AHCYL2: variants seen among roughly 807,000 people sequenced by gnomAD.
The protein encoded by AHCYL2 is adenosylhomocysteinase like 2.
A neutral mutation model predicts 81.4 loss-of-function variants in AHCYL2; 28 were observed. The ratio of observed to expected loss-of-function variants is 0.34; its 90% CI spans 0.25 to 0.47. The LOEUF (loss-of-function observed/expected upper bound fraction) is 0.47. Ranked by LOEUF, AHCYL2 falls within the 20% of genes least tolerant of loss-of-function variation. AHCYL2 has a pLI of 1.00. For synonymous variants in AHCYL2, 272 were observed against 290.2 expected (o/e 0.94, Z 0.64); for missense variants, 551 against 785.1 (o/e 0.70, Z 3.56).
At chr7:129,358,550 CAG>C (rs1381970143) in intron 1 of AHCYL2, among the ~76,000 whole-genome samples, 1 of 152,072 alleles carries the variant, frequency 6.6e-6, no homozygotes, top group Admixed American at 6.6e-5. Flanking sequence ...TAGTCAAATT[CAG>C]AGACAGAAAG....
At chr7:129,379,238 C>G (rs1794834806) in intron 1 of AHCYL2, among the ~76,000 whole-genome samples, 1 of 151,236 alleles carries the variant, frequency 6.6e-6, no homozygotes, top group Non-Finnish European at 1.5e-5. Flanking sequence ...CGAGATCGTG[C>G]CACCGCACTG....
chr7:129,232,556 C>T (rs936577446), intron 1 of AHCYL2, among the ~76,000 whole-genome samples: 4 of 152,180 alleles, frequency 2.6e-5, no homozygotes, highest in East Asian at 3.8e-4. Flanking sequence ...AGTCACTACC[C>T]GCCATCCGCC....
At chr7:129,363,667 A>G (rs1377914932) in intron 1 of AHCYL2, among the ~76,000 whole-genome samples, 1 of 151,956 alleles carries the variant, frequency 6.6e-6, no homozygotes, top group African/African-American at 2.4e-5. Flanking sequence ...CCTCCTGAGT[A>G]GCTGAGATTA....
At chr7:129,294,768 A>C (rs1036136224) in intron 1 of AHCYL2, among the ~76,000 whole-genome samples, 5 of 152,176 alleles carry the variant, frequency 3.3e-5, no homozygotes, top group Admixed American at 6.5e-5. Flanking sequence ...TGTATAGAAA[A>C]ATCCTGGGAC....
chr7:129,314,083 G>C (rs755394416), intron 1 of AHCYL2, among the ~76,000 whole-genome samples: 13 of 152,176 alleles, frequency 8.5e-5, no homozygotes, highest in Non-Finnish European at 1.8e-4. Flanking sequence ...CTAGTTGTAA[G>C]AGTTTTCAGC....
At chr7:129,339,698 A>G (rs1215164434) in intron 1 of AHCYL2, among the ~76,000 whole-genome samples, 3 of 151,552 alleles carry the variant, frequency 2.0e-5, no homozygotes, top group African/African-American at 7.3e-5. Flanking sequence ...TGCCTTGCTA[A>G]TTATTTTTTT....
Position 129,406,043 on chromosome 7 carries a change from AGACTTTCT to A in AHCYL2, c.1206+145_1206+152del, listed in dbSNP as rs1246986314. Reference sequence around the variant, plus strand: ...ATTTCAGAGGCCTTCTGGTTGAAGTAGACTTTCTTTTTCCCTTTGCGTTGCCGCCATTT... The same window carrying A: ...ATTTCAGAGGCCTTCTGGTTGAAGTATTTTCCCTTTGCGTTGCCGCCATTT... On this transcript the variant is annotated intron_variant, in intron 9 of 16. Transcript: ENST00000325006. The surrounding 1 kb of genome is among the most constrained non-coding windows in gnomAD (Gnocchi z 4.3). 2.5e-6 allele frequency: 2 copies of A among 792,092 alleles called. No individual in the cohort carries two copies. The highest frequency in any genetic ancestry group is 4.0e-6 in the Non-Finnish European group (2 of 503,630). 49.1% of individuals were successfully genotyped at this position (792,092 alleles called of 1,614,324 possible). A position where few individuals can be genotyped will look rare whatever the true frequency, so the allele number is the denominator to read the frequency against.
intron 6 of AHCYL2, among the ~76,000 whole-genome samples, chr7:129,402,745 C>G (rs547058506): frequency 6.6e-6 from 1 of 152,192 alleles, no homozygotes; most frequent in East Asian, 1.9e-4. Flanking sequence ...CTGCACGGTT[C>G]CCTGGTTATT....
At chr7:129,266,612 T>C (rs1795820069) in intron 1 of AHCYL2, among the ~76,000 whole-genome samples, 1 of 152,182 alleles carries the variant, frequency 6.6e-6, no homozygotes, top group South Asian at 2.1e-4. Flanking sequence ...ATGGACATAA[T>C]GGTTTTTATC....
intron 1 of AHCYL2, among the ~76,000 whole-genome samples, chr7:129,269,581 CGGTTT>C (rs1001206991): frequency 1.3e-4 from 6 of 44,786 alleles, no homozygotes; most frequent in Non-Finnish European, 2.6e-4. Context: ...GCCACTGTGC[CGGTTT>C]TGTTTTGTTT....
intron 1 of AHCYL2, among the ~76,000 whole-genome samples, chr7:129,312,153 C>T (rs972173820): frequency 5.3e-5 from 8 of 151,900 alleles, no homozygotes; most frequent in African/African-American, 1.2e-4. Context: ...GGCGTGATCA[C>T]GGCTCACTGT....
chr7:129,332,648 C>T (rs770508093), intron 1 of AHCYL2, among the ~76,000 whole-genome samples: 6 of 152,300 alleles, frequency 3.9e-5, no homozygotes, highest in Admixed American at 2.0e-4. Flanking sequence ...CTCCTTTCTC[C>T]CAATTCCTTT....
intron 4 of AHCYL2, among the ~76,000 whole-genome samples, chr7:129,390,813 C>T (rs533760541): frequency 4.7e-4 from 71 of 152,248 alleles, no homozygotes; most frequent in African/African-American, 1.6e-3. Context: ...CCAGTCCTAC[C>T]GAGGGGCGTG....
At chr7:129,273,785 C>T (rs903947660) in intron 1 of AHCYL2, among the ~76,000 whole-genome samples, 6 of 152,152 alleles carry the variant, frequency 3.9e-5, no homozygotes. Flanking sequence ...TCACATAAGA[C>T]TTGCGATAGA....
At chr7:129,317,886 C>G (rs1797880987) in intron 1 of AHCYL2, among the ~76,000 whole-genome samples, 1 of 152,138 alleles carries the variant, frequency 6.6e-6, no homozygotes, top group Non-Finnish European at 1.5e-5. Context: ...AAAGTAGAAA[C>G]TCAAAGAACT....
chr7:129,272,226 T>G (rs536613399), intron 1 of AHCYL2, among the ~76,000 whole-genome samples: 1 of 152,264 alleles, frequency 6.6e-6, no homozygotes, highest in Non-Finnish European at 1.5e-5. Context: ...GAGTTCCAGT[T>G]CCAGTGGGCA....
At chr7:129,227,534 GA>G (rs201179360) in intron 1 of AHCYL2, among the ~76,000 whole-genome samples, 2,427 of 148,324 alleles carry the variant, frequency 0.016, 36 homozygotes, top group Non-Finnish European at 0.026. Flanking sequence ...GCCGGGGTGG[GA>G]GGATCACCTG....
At chr7:129,236,791 T>C (rs575123917) in intron 1 of AHCYL2, among the ~76,000 whole-genome samples, 2 of 152,362 alleles carry the variant, frequency 1.3e-5, no homozygotes, top group East Asian at 3.9e-4. Context: ...TTTTATAATA[T>C]CTGCATTCTT....
At chr7:129,265,916 A>G (rs983923775) in intron 1 of AHCYL2, among the ~76,000 whole-genome samples, 2 of 152,190 alleles carry the variant, frequency 1.3e-5, no homozygotes, top group African/African-American at 2.4e-5. Flanking sequence ...TTCTGCATAT[A>G]TAGTAGAGCA....
Sources: allele counts gnomAD v4.1 joint callset (sites outside exome capture counted in the v4.1 genomes callset), GRCh38; gene constraint gnomAD v4.1.1; non-coding constraint Gnocchi (gnomAD v3.1); transcripts MANE v1.5; gene names NCBI Gene and HGNC (gene_info 2026-07-23, HGNC 2026-07-21).